SRGAP2C: variants seen among roughly 807,000 people sequenced by gnomAD.
SRGAP2C encodes SLIT-ROBO Rho GTPase-activating protein 2C.
In SRGAP2C, 15 loss-of-function variants were observed where a neutral mutation model predicts 25.1. The observed-to-expected ratio is 0.60, with a 90% CI of 0.40 to 0.92. The LOEUF is 0.92. Ranked by LOEUF, SRGAP2C falls within the 40% of genes least tolerant of loss-of-function variation. The pLI is 0.00. For synonymous variants in SRGAP2C, 44 were observed against 96.6 expected, an observed-to-expected ratio of 0.46 and a Z score of 3.19; for missense variants, 144 against 264.4, an observed-to-expected ratio of 0.54 and a Z score of 3.16.
intron 4 of SRGAP2C, among the ~76,000 whole-genome samples, chr1:121,331,996 A>G (rs1365300045): frequency 1.4e-5 from 2 of 142,204 alleles, no homozygotes; most frequent in African/African-American, 5.2e-5. Context: ...AACATTTTAA[A>G]CAATGCTTTA....
chr1:121,267,945 G>A (rs1656841947), intron 2 of SRGAP2C, among the ~76,000 whole-genome samples: 1 of 151,644 alleles, frequency 6.6e-6, no homozygotes, highest in African/African-American at 2.4e-5. Context: ...GTAAAAAGAA[G>A]CCAGCAATAA....
intron 3 of SRGAP2C, among the ~76,000 whole-genome samples, chr1:121,295,502 G>A (rs1285260558): frequency 6.6e-6 from 1 of 151,706 alleles, no homozygotes; most frequent in East Asian, 2.0e-4. Flanking sequence ...TTCTTACCAT[G>A]TGCCAGACAC....
In SRGAP2C at chr1:121,212,341, A is replaced by G. The variant is rs1333993155; in HGVS notation, c.67+24828A>G. ...GAGATGGGGTTTCACCATATTGGCC[A>G]GGCTGGTCTCAAACACTTGACCTCG... is the stretch of plus-strand genomic sequence containing the variant. On this transcript the variant is annotated intron_variant, in intron 2 of 9. Coordinates refer to ENST00000367123, the MANE Select transcript of SRGAP2C (RefSeq NM_001329984.2). Among the ~76,000 whole-genome samples the G allele has an allele frequency of 1.1e-4, 17 of 151,742 alleles. No individual in the cohort carries two copies. In the East Asian group the frequency reaches 3.3e-3, roughly 29 times the overall value.
intron 3 of SRGAP2C, among the ~76,000 whole-genome samples, chr1:121,293,190 G>A (rs1553337891): frequency 9.8e-6 from 1 of 102,346 alleles, no homozygotes; most frequent in African/African-American, 4.3e-5. Context: ...TATTAGAAAA[G>A]GCTAACAGAA....
At chr1:121,385,097 G>T (rs1659930441) in intron 8 of SRGAP2C, among the ~76,000 whole-genome samples, 1 of 150,952 alleles carries the variant, frequency 6.6e-6, no homozygotes. Flanking sequence ...ATCAGTGTGG[G>T]TTGTCTGCAG....
At position 121,195,253 on chromosome 1, in the gene SRGAP2C, T is replaced by TA. The variant is rs1444771102; in HGVS notation, c.67+7741dup. Among the ~76,000 whole-genome samples the TA allele has an allele frequency of 3.9e-5, 6 of 152,050 alleles. No homozygotes were observed. In the East Asian group the frequency reaches 7.8e-4, roughly 20 times the overall value. The stretch of plus-strand genomic sequence containing the variant: ...TGGTAAAACCTCATCTCTACAAAAA[T>TA]ACAAAAATTAGTTGGGCGTGGTGGT... On this transcript the variant is annotated intron_variant, in intron 2 of 9. Transcript: ENST00000367123.
In SRGAP2C at chr1:121,348,725, A is replaced by G. The variant is rs1414947481; in HGVS notation, c.424-16568A>G. 2.0e-5 allele frequency among the ~76,000 whole-genome samples: 3 copies of G among 148,048 alleles called. No homozygotes were observed. The Admixed American group carries it at 2.0e-4, about 10-fold the overall frequency. ...TACAGATAAGACAAAATAGCATTGA[A>G]GGAGTTTATGAGTTCAATTCCAACT... On this transcript the variant is annotated intron_variant, in intron 4 of 9. Transcript: ENST00000367123.
chr1:121,293,287 T>C (rs1304749913), intron 3 of SRGAP2C, among the ~76,000 whole-genome samples: 4 of 125,286 alleles, frequency 3.2e-5, no homozygotes, highest in African/African-American at 1.3e-4. Flanking sequence ...CTGGAAAAGA[T>C]AGGGGCCAGA....
chr1:121,321,993 G>A (rs1658216623), intron 3 of SRGAP2C, among the ~76,000 whole-genome samples: 1 of 148,348 alleles, frequency 6.7e-6, no homozygotes, highest in Admixed American at 6.7e-5. Flanking sequence ...TTACTATATT[G>A]CAGCATTTGC....
At position 121,254,316 on chromosome 1, in the gene SRGAP2C, T is replaced by G. The variant is rs587645027; in HGVS notation, c.68-30487T>G. ...CCTCTTTTTAAAAACTGGATTTTCA[T>G]TCATTCTTTCTCTTTCCTCCTCCCA... On this transcript the variant is annotated intron_variant, in intron 2 of 9. Coordinates refer to ENST00000367123, the MANE Select transcript of SRGAP2C (RefSeq NM_001329984.2). Among the ~76,000 whole-genome samples, 151 of 84,520 alleles carry G rather than the reference T, an allele frequency of 1.8e-3. 25 individuals are homozygous for G. Among genetic ancestry groups the G allele is most frequent in the African/African-American group, 6.9e-3 (147 of 21,410 alleles). The allele number at this position is 84,520 out of a possible 152,430, so 55.4% of individuals were successfully genotyped here. A position where few individuals can be genotyped will look rare whatever the true frequency, so the allele number is the denominator to read the frequency against.
At chr1:121,222,244 C>G (rs1655547463) in intron 2 of SRGAP2C, among the ~76,000 whole-genome samples, 1 of 152,124 alleles carries the variant, frequency 6.6e-6, no homozygotes, top group Non-Finnish European at 1.5e-5. Flanking sequence ...CAAAGTCTGC[C>G]TCTAAAGCCT....
chr1:121,265,270 T>C (rs1317213335), intron 2 of SRGAP2C, among the ~76,000 whole-genome samples: 1 of 126,698 alleles, frequency 7.9e-6, no homozygotes, highest in Admixed American at 8.2e-5. Flanking sequence ...TAAAAAATAA[T>C]GTCATTACTT....
chr1:121,255,095 G>A (rs587660509), intron 2 of SRGAP2C, among the ~76,000 whole-genome samples: 1 of 151,862 alleles, frequency 6.6e-6, no homozygotes, highest in African/African-American at 2.4e-5. Flanking sequence ...TTGGTGAGTT[G>A]CTGGCAGATA....
At chr1:121,269,526 G>A (rs1553334902) in intron 2 of SRGAP2C, among the ~76,000 whole-genome samples, 1 of 145,828 alleles carries the variant, frequency 6.9e-6, no homozygotes. Context: ...GAAGGCTCTG[G>A]ATTTGGTAAT....
chr1:121,315,513 C>G (rs1357628225), intron 3 of SRGAP2C, among the ~76,000 whole-genome samples: 1 of 151,584 alleles, frequency 6.6e-6, no homozygotes. Flanking sequence ...CTAATTTGAT[C>G]TACTAACCTG....
intron 2 of SRGAP2C, among the ~76,000 whole-genome samples, chr1:121,238,778 TA>T (rs1276757866): frequency 1.1e-4 from 16 of 142,382 alleles, no homozygotes; most frequent in African/African-American, 3.8e-4. Flanking sequence ...TACACACTGC[TA>T]TTTTTTTTTT....
intron 2 of SRGAP2C, among the ~76,000 whole-genome samples, chr1:121,188,204 G>A (rs1269663422): frequency 1.3e-5 from 2 of 152,150 alleles, no homozygotes; most frequent in Admixed American, 6.5e-5. Context: ...AAAATGGGAA[G>A]ACATAATTGT....
At chr1:121,300,842 AC>A (rs1295270837) in intron 3 of SRGAP2C, among the ~76,000 whole-genome samples, 5 of 31,490 alleles carry the variant, frequency 1.6e-4, no homozygotes, top group African/African-American at 7.4e-4. Flanking sequence ...GGAGATCGAG[AC>A]CATCCTGGCT....
chr1:121,315,506 A>T (rs1658077437), intron 3 of SRGAP2C, among the ~76,000 whole-genome samples: 1 of 151,582 alleles, frequency 6.6e-6, no homozygotes, highest in Non-Finnish European at 1.5e-5. Context: ...GAACTCGCTA[A>T]TTTGATCTAC....
Sources: allele counts gnomAD v4.1 joint callset (sites outside exome capture counted in the v4.1 genomes callset), GRCh38; gene constraint gnomAD v4.1.1; transcripts MANE v1.5; gene names NCBI Gene and HGNC (gene_info 2026-07-23, HGNC 2026-07-21).